SORCS3: variants seen among roughly 807,000 people sequenced by gnomAD.
The protein encoded by SORCS3 is VPS10 domain-containing receptor SorCS3.
Under a neutral mutation model 146.3 loss-of-function variants are expected in SORCS3, and 57 were observed. The ratio of observed to expected loss-of-function variants is 0.39; its 90% CI spans 0.31 to 0.49. The LOEUF (loss-of-function observed/expected upper bound fraction) is 0.49. Ranked by LOEUF, SORCS3 falls within the 20% of genes least tolerant of loss-of-function variation. The probability of loss-of-function intolerance (pLI) is 0.92; values close to 1 mark genes in which losing one functional copy is unlikely to be tolerated. For missense variants in SORCS3, 1,341 were observed against 1,575.5 expected, an observed-to-expected ratio of 0.85 and a Z score of 2.52; for synonymous variants, 653 against 618.5, an observed-to-expected ratio of 1.06 and a Z score of -0.83.
intron 4 of SORCS3, among the ~76,000 whole-genome samples, chr10:105,005,921 A>G (rs545852164): frequency 2.4e-4 from 37 of 152,150 alleles, no homozygotes; most frequent in African/African-American, 8.7e-4. Flanking sequence ...CTTTCACTAA[A>G]TTTCCTCCTC....
intron 4 of SORCS3, among the ~76,000 whole-genome samples, chr10:105,036,433 G>A (rs1198426167): frequency 6.6e-6 from 1 of 152,042 alleles, no homozygotes; most frequent in Non-Finnish European, 1.5e-5. Context: ...CCACACTTTG[G>A]CACTGAGCCT....
At chr10:104,978,176 A>G (rs2054912388) in intron 4 of SORCS3, among the ~76,000 whole-genome samples, 1 of 152,190 alleles carries the variant, frequency 6.6e-6, no homozygotes, top group African/African-American at 2.4e-5. Context: ...CCTCCAAGCT[A>G]GAAGCTAGGA....
chr10:105,163,878 GCACATACA>G lies in SORCS3; in HGVS notation c.1733-420_1733-413del, dbSNP rs1271177195. On this transcript the variant is annotated intron_variant, in intron 11 of 26. Transcript: ENST00000369701. ...AACATACACACAGACACACAGTTAC[GCACATACA>G]CACACACACACACACACACACACAC... Among the ~76,000 whole-genome samples, 27 of 112,484 alleles carry G rather than the reference GCACATACA, an allele frequency of 2.4e-4. 2 individuals carry two copies. The highest frequency in any genetic ancestry group is 4.1e-3 in the Middle Eastern group (1 of 242). 73.8% of individuals were successfully genotyped at this position (112,484 alleles called of 152,430 possible). A position where few individuals can be genotyped will look rare whatever the true frequency, so the allele number is the denominator to read the frequency against.
At chr10:105,162,774 G>A (rs1287695224) in intron 11 of SORCS3, among the ~76,000 whole-genome samples, 1 of 152,146 alleles carries the variant, frequency 6.6e-6, no homozygotes, top group Non-Finnish European at 1.5e-5. Flanking sequence ...GGGATGATAA[G>A]CTAGATCCTT....
intron 5 of SORCS3, among the ~76,000 whole-genome samples, chr10:105,048,840 A>G (rs1436326492): frequency 6.6e-6 from 1 of 152,002 alleles, no homozygotes; most frequent in Non-Finnish European, 1.5e-5. Flanking sequence ...TATACATGTG[A>G]GTGTGTATAA....
intron 2 of SORCS3, among the ~76,000 whole-genome samples, chr10:104,897,274 A>G (rs1306111557): frequency 6.6e-6 from 1 of 152,210 alleles, no homozygotes; most frequent in Non-Finnish European, 1.5e-5. Flanking sequence ...ATTATCTGAT[A>G]ATATAATTCA....
intron 1 of SORCS3, among the ~76,000 whole-genome samples, chr10:104,811,329 A>G (rs532945468): frequency 6.6e-6 from 1 of 152,356 alleles, no homozygotes; most frequent in East Asian, 1.9e-4. Flanking sequence ...TGCACATGCA[A>G]GAGAACAGAA....
rs151029521 is a variant in SORCS3 at position 104,952,515 on chromosome 10, T to G, written c.796-24820T>G. Among the ~76,000 whole-genome samples, 223 of 152,296 alleles carry G rather than the reference T, an allele frequency of 1.5e-3. 2 individuals are homozygous for G. The highest frequency in any genetic ancestry group is 5.6e-4 in the Non-Finnish European group (38 of 68,028). ...GAAACGCATTACTCGAAATTATGTA[T>G]TTTCTCTCTGTAGTCTTATATTGGC... is the stretch of plus-strand genomic sequence containing the variant. On this transcript the variant is annotated intron_variant, in intron 3 of 26. Coordinates refer to ENST00000369701, the MANE Select transcript of SORCS3 (RefSeq NM_014978.3).
chr10:105,087,718 G>A (rs1009363862), intron 5 of SORCS3, among the ~76,000 whole-genome samples: 1 of 152,126 alleles, frequency 6.6e-6, no homozygotes, highest in Non-Finnish European at 1.5e-5. Context: ...AAATAAGACA[G>A]GATCCCACTT....
intron 9 of SORCS3, among the ~76,000 whole-genome samples, chr10:105,153,296 T>C (rs903800492): frequency 5.3e-5 from 8 of 152,218 alleles, no homozygotes; most frequent in Non-Finnish European, 8.8e-5. Context: ...TATTGGTTCC[T>C]TCTGTTTCTG....
chr10:104,652,548 C>T (rs1001983391), intron 1 of SORCS3, among the ~76,000 whole-genome samples: 5 of 152,176 alleles, frequency 3.3e-5, no homozygotes, highest in African/African-American at 1.2e-4. Context: ...CCTTTGACAA[C>T]AGATTTGAGA....
At chr10:104,839,349 G>A (rs1353740684) in intron 1 of SORCS3, among the ~76,000 whole-genome samples, 2 of 152,302 alleles carry the variant, frequency 1.3e-5, no homozygotes, top group East Asian at 3.9e-4. Context: ...CCTGAAAGGG[G>A]TGGGCTTTTG....
chr10:104,803,035 AC>A (rs1408446857), intron 1 of SORCS3, among the ~76,000 whole-genome samples: 2 of 152,068 alleles, frequency 1.3e-5, no homozygotes, highest in East Asian at 3.9e-4. Context: ...TTGCTCTACC[AC>A]CCTCTAAGTT....
intron 8 of SORCS3, among the ~76,000 whole-genome samples, chr10:105,146,464 C>T (rs556404881): frequency 9.9e-5 from 15 of 151,914 alleles, no homozygotes; most frequent in South Asian, 4.2e-4. Context: ...AGTGGCGGAC[C>T]GTAAGAACAT....
intron 1 of SORCS3, among the ~76,000 whole-genome samples, chr10:104,713,128 C>CGTGT (rs5787541): frequency 9.7e-4 from 146 of 150,158 alleles, no homozygotes; most frequent in Middle Eastern, 3.4e-3. Context: ...AGTGTGTGTG[C>CGTGT]GTGTGTGTGT....
chr10:104,791,384 G>A (rs536481924), intron 1 of SORCS3, among the ~76,000 whole-genome samples: 2 of 152,192 alleles, frequency 1.3e-5, no homozygotes, highest in South Asian at 4.1e-4. Flanking sequence ...TGTGCAGGTT[G>A]GTTAGAGCTG....
chr10:104,936,912 C>T (rs2019265863), intron 3 of SORCS3, among the ~76,000 whole-genome samples: 1 of 152,182 alleles, frequency 6.6e-6, no homozygotes, highest in Non-Finnish European at 1.5e-5. Flanking sequence ...ACTGATTAAT[C>T]TACCATGAAT....
Position 105,126,795 on chromosome 10 carries a change from T to A in SORCS3, c.1213-12602T>A, listed in dbSNP as rs989218557. Among the ~76,000 whole-genome samples, 6 of 152,310 alleles carry A rather than the reference T, an allele frequency of 3.9e-5. No individual in the cohort carries two copies. In the East Asian group the frequency reaches 5.8e-4, roughly 15 times the overall value. On this transcript the variant is annotated intron_variant, in intron 7 of 26. Coordinates refer to ENST00000369701, the MANE Select transcript of SORCS3 (RefSeq NM_014978.3). ...ATGGAGATAGGATGAGGGTGGATTTTATTGTAATTGTAGAAGGAGCATGAG... is the reference window on the plus strand; with the variant it reads ...ATGGAGATAGGATGAGGGTGGATTTAATTGTAATTGTAGAAGGAGCATGAG...
At chr10:104,986,956 A>G (rs1472250880) in intron 4 of SORCS3, among the ~76,000 whole-genome samples, 3 of 152,252 alleles carry the variant, frequency 2.0e-5, no homozygotes, top group South Asian at 2.1e-4. Context: ...GTAGGCACAT[A>G]CTCTTGGAAA....
Sources: allele counts gnomAD v4.1 joint callset (sites outside exome capture counted in the v4.1 genomes callset), GRCh38; gene constraint gnomAD v4.1.1; transcripts MANE v1.5; gene names NCBI Gene and HGNC (gene_info 2026-07-23, HGNC 2026-07-21).